SYT17: variants seen among roughly 807,000 people sequenced by gnomAD.
The protein encoded by SYT17 is synaptotagmin 17.
A neutral mutation model predicts 46.7 loss-of-function variants in SYT17; 22 were observed. The ratio of observed to expected loss-of-function variants is 0.47; its 90% CI spans 0.34 to 0.67. The LOEUF is 0.67. Ranked by LOEUF, SYT17 falls within the 30% of genes least tolerant of loss-of-function variation. The pLI is 0.01. For missense variants in SYT17, 519 were observed against 612.8 expected (o/e 0.85, Z 1.62); for synonymous variants, 251 against 248.4 (o/e 1.01, Z -0.10).
In SYT17 at chr16:19,267,107, TAAAAAA is replaced by T; in HGVS notation, c.*42_*47del. On this transcript the variant is annotated 3_prime_UTR_variant, in exon 8 of 8. Coordinates refer to ENST00000355377, the MANE Select transcript of SYT17 (RefSeq NM_016524.4). ...GCAGGGAAGGCAGCTTTCATTTGTT[TAAAAAA>T]AAAAAAAAAAGACGGAAAAAAATGT... The T allele has an allele frequency of 7.6e-7, 1 of 1,312,364 alleles. No homozygotes were observed. 81.3% of individuals were successfully genotyped at this position (1,312,364 alleles called of 1,614,324 possible). A position where few individuals can be genotyped will look rare whatever the true frequency, so the allele number is the denominator to read the frequency against.
At chr16:19,248,464 G>C (rs1967757830) in intron 7 of SYT17, among the ~76,000 whole-genome samples, 1 of 152,200 alleles carries the variant, frequency 6.6e-6, no homozygotes, top group South Asian at 2.1e-4. Flanking sequence ...CAAAAAAGTG[G>C]AAATGATCCA....
chr16:19,183,693 C>G lies in SYT17; in HGVS notation c.497C>G (p.Ser166Cys). The G allele has an allele frequency of 1.2e-6, 2 of 1,614,200 alleles. No individual in the cohort carries two copies. Among genetic ancestry groups the G allele is most frequent in the South Asian group, 1.1e-5 (1 of 91,080 alleles). ...KFEPHLYSLDSNSDDVDSLTD... is the reference protein window; with the variant it reads ...KFEPHLYSLDCNSDDVDSLTD... ...GAACCCCACCTGTACTCCCTCGACT[C>G]CAACAGCGACGATGTGGACTCTCTG... Residue 166 changes from serine (S) to cysteine (C), a missense_variant, in exon 5 of 8, where the codon TCC (serine) becomes TGC (cysteine). Transcript: ENST00000355377. This position sits in a 1 kb window ranked among gnomAD's most constrained non-coding sequence, Gnocchi z 5.6.
rs559657805 is a variant in SYT17, at chr16:19,214,074, C to A, written c.952-8971C>A. On this transcript the variant is annotated intron_variant, in intron 5 of 7. Coordinates refer to ENST00000355377, the MANE Select transcript of SYT17 (RefSeq NM_016524.4). ...CTACCCACTAGATGCCAGTAGCAGA[C>A]CCTACCCTATTCCCCAGTTATGACA... is the stretch of plus-strand genomic sequence containing the variant. Among the ~76,000 whole-genome samples the A allele has an allele frequency of 7.6e-4, 115 of 152,286 alleles. No individual in the cohort carries two copies. In the Middle Eastern group the frequency reaches 0.01, roughly 14 times the overall value.
intron 7 of SYT17, among the ~76,000 whole-genome samples, chr16:19,234,508 A>C (rs1966815996): frequency 6.6e-6 from 1 of 152,138 alleles, no homozygotes; most frequent in Admixed American, 6.5e-5. Flanking sequence ...ATTTTATATA[A>C]AAAGCTTTAG....
chr16:19,249,843 C>A (rs1254733662), intron 7 of SYT17: 17 of 1,283,726 alleles, frequency 1.3e-5, no homozygotes, highest in Non-Finnish European at 1.8e-5. Context: ...ATTGGGATAA[C>A]CTGGAGTCAC....
In SYT17 at chr16:19,239,289, T is replaced by C. The variant is rs114243612; in HGVS notation, c.1228+14451T>C. ...AAGACCCTGTCTCAAAATTAATTAA[T>C]TAATTAATTAATTAAACATTTAAAA... On this transcript the variant is annotated intron_variant, in intron 7 of 7. Transcript: ENST00000355377. Among the ~76,000 whole-genome samples, 1,206 of 151,154 alleles carry C rather than the reference T, an allele frequency of 8.0e-3. 14 individuals carry two copies. Among genetic ancestry groups the C allele is most frequent in the African/African-American group, 0.028 (1,140 of 41,134 alleles).
At chr16:19,170,330 A>G (rs1964033060) in intron 1 of SYT17, 1 of 152,026 alleles carries the variant, frequency 6.6e-6, no homozygotes, top group African/African-American at 2.4e-5. Context: ...AACCTTTTAA[A>G]AACTCACAAA....
chr16:19,212,335 G>A (rs1241557317), intron 5 of SYT17, among the ~76,000 whole-genome samples: 2 of 152,132 alleles, frequency 1.3e-5, no homozygotes, highest in Non-Finnish European at 2.9e-5. Context: ...AAACAGGGAA[G>A]TGAGGCCGGG....
chr16:19,231,249 G>C (rs1175307672), intron 7 of SYT17, among the ~76,000 whole-genome samples: 1 of 151,990 alleles, frequency 6.6e-6, no homozygotes, highest in Admixed American at 6.6e-5. Context: ...AAGTGGCCAG[G>C]GTTTCCTGTC....
chr16:19,236,443 A>C (rs923730743), intron 7 of SYT17, among the ~76,000 whole-genome samples: 1 of 152,126 alleles, frequency 6.6e-6, no homozygotes, highest in Non-Finnish European at 1.5e-5. Context: ...AGAACAGTTC[A>C]CCCAAAACTG....
chr16:19,245,066 G>A (rs1294931769), intron 7 of SYT17, among the ~76,000 whole-genome samples: 1 of 152,132 alleles, frequency 6.6e-6, no homozygotes, highest in Non-Finnish European at 1.5e-5. Context: ...TGTGGCCTCT[G>A]AGTTTATGGT....
At position 19,266,276 on chromosome 16, in the gene SYT17, C is replaced by T. The variant is rs577502519; in HGVS notation, c.1229-604C>T. ...TTCCCGTTTGGGATGCATTGGCCTC[C>T]GCAGGGGCCATTTGGCCATGTCCGA... On this transcript the variant is annotated intron_variant, in intron 7 of 7. Coordinates refer to ENST00000355377, the MANE Select transcript of SYT17 (RefSeq NM_016524.4). Among the ~76,000 whole-genome samples the T allele has an allele frequency of 2.0e-4, 30 of 152,304 alleles. No individual in the cohort carries two copies. The South Asian group carries it at 5.2e-3, about 26-fold the overall frequency.
intron 7 of SYT17, among the ~76,000 whole-genome samples, chr16:19,254,134 T>C (rs889889384): frequency 6.6e-6 from 1 of 152,132 alleles, no homozygotes; most frequent in Admixed American, 6.5e-5. Flanking sequence ...TGGGACTAAG[T>C]TGTTAAAGGT....
At chr16:19,251,514 G>A (rs926861068) in intron 7 of SYT17, among the ~76,000 whole-genome samples, 2 of 152,156 alleles carry the variant, frequency 1.3e-5, no homozygotes, top group African/African-American at 4.8e-5. Flanking sequence ...TGAGTTCTAG[G>A]GCCAGGACTT....
rs138539539 is a variant in SYT17 at position 19,238,371 on chromosome 16, C to T, written c.1228+13533C>T. On this transcript the variant is annotated intron_variant, in intron 7 of 7. Transcript: ENST00000355377. Reference sequence around the variant, plus strand: ...TGATTGTGGTGTTGAACCTGGATGTCGGCAGAGGCCAGAACTCTAGCCAGG... The same window carrying T: ...TGATTGTGGTGTTGAACCTGGATGTTGGCAGAGGCCAGAACTCTAGCCAGG... 3.5e-3 allele frequency among the ~76,000 whole-genome samples: 531 copies of T among 152,324 alleles called. 3 individuals are homozygous for T. Among genetic ancestry groups the T allele is most frequent in the African/African-American group, 0.012 (499 of 41,574 alleles).
In SYT17 at chr16:19,168,754, T is replaced by A. The variant is rs947392105; in HGVS notation, c.15+93T>A. ...GCGCGCGGAAGGGAGGGCCCACGGC[T>A]AGGCTCCCACAAACTTGCTTCGAGA... On this transcript the variant is annotated intron_variant, in intron 1 of 7. Transcript: ENST00000355377. This position sits in a 1 kb window ranked among gnomAD's most constrained non-coding sequence, Gnocchi z 6.9. The A allele has an allele frequency of 7.3e-6, 10 of 1,375,776 alleles. No individual in the cohort carries two copies. In the African/African-American group the frequency reaches 1.2e-4, roughly 17 times the overall value. The allele number at this position is 1,375,776 out of a possible 1,614,324, so 85.2% of individuals were successfully genotyped here. A position where few individuals can be genotyped will look rare whatever the true frequency, so the allele number is the denominator to read the frequency against.
chr16:19,202,043 GT>G (rs927599225), intron 5 of SYT17, among the ~76,000 whole-genome samples: 1 of 152,044 alleles, frequency 6.6e-6, no homozygotes, highest in Non-Finnish European at 1.5e-5. Flanking sequence ...AGTTTGTGGG[GT>G]TTTTTTCCTC....
In SYT17 at chr16:19,183,439, T is replaced by C; in HGVS notation, c.332-89T>C. 1 of 1,525,800 alleles carries C rather than the reference T, an allele frequency of 6.6e-7. No individual in the cohort carries two copies. The highest frequency in any genetic ancestry group is 8.9e-7 in the Non-Finnish European group (1 of 1,126,022). The allele number at this position is 1,525,800 out of a possible 1,614,324, so 94.5% of individuals were successfully genotyped here. A position where few individuals can be genotyped will look rare whatever the true frequency, so the allele number is the denominator to read the frequency against. The stretch of plus-strand genomic sequence containing the variant: ...TGGCAAAGGTCATTCTGAAGCAGAG[T>C]AAACAATGCAAGAATCTGCTTACCT... On this transcript the variant is annotated intron_variant, in intron 4 of 7. Coordinates refer to ENST00000355377, the MANE Select transcript of SYT17 (RefSeq NM_016524.4). This position sits in a 1 kb window ranked among gnomAD's most constrained non-coding sequence, Gnocchi z 5.6.
intron 5 of SYT17, among the ~76,000 whole-genome samples, chr16:19,216,894 CCAGTAATGGGA>C (rs1966117308): frequency 6.6e-6 from 1 of 152,008 alleles, no homozygotes; most frequent in Non-Finnish European, 1.5e-5. Flanking sequence ...GGATATATAC[CCAGTAATGGGA>C]TTGCTGGGTC....
Sources: gnomAD v4.1 joint callset for allele counts (sites outside exome capture counted in the v4.1 genomes callset) on GRCh38, gnomAD v4.1.1 for gene constraint, Gnocchi (gnomAD v3.1) non-coding constraint, MANE v1.5 for transcripts, NCBI Gene and HGNC (gene_info 2026-07-23, HGNC 2026-07-21) for gene names.